Variants in SYNE2 observed in about 807,000 individuals in gnomAD.
The protein encoded by SYNE2 is spectrin repeat containing nuclear envelope protein 2, also known as nesprin-2.
Under a neutral mutation model 856.3 loss-of-function variants are expected in SYNE2, and 431 were observed. The ratio of observed to expected loss-of-function variants is 0.50; its 90% CI spans 0.47 to 0.55. The LOEUF is 0.55. Ranked by LOEUF, SYNE2 falls within the 20% of genes least tolerant of loss-of-function variation. The probability of loss-of-function intolerance (pLI) is 0.00; values close to 1 mark genes in which losing one functional copy is unlikely to be tolerated. For missense variants in SYNE2, 8,129 were observed against 8,023.2 expected (o/e 1.01, Z -0.50); for synonymous variants, 2,923 against 2,872.3 (o/e 1.02, Z -0.56).
At chr14:64,158,846 T>C (rs779340006) in intron 86 of SYNE2, 51 bp downstream of exon 86, 42 of 1,593,500 alleles carry the variant, frequency 2.6e-5, no homozygotes, top group Non-Finnish European at 3.4e-5. Flanking sequence ...AAATTACAAA[T>C]GGGAGGAAGC....
At chr14:63,858,697 A>G (rs556771520) in intron 1 of SYNE2, among the ~76,000 whole-genome samples, 1 of 152,296 alleles carries the variant, frequency 6.6e-6, no homozygotes, top group African/African-American at 2.4e-5. Flanking sequence ...ATACTGTAAT[A>G]TTGTAACAGT....
intron 47 of SYNE2, among the ~76,000 whole-genome samples, chr14:64,050,880 G>C (rs1253540362): frequency 6.6e-6 from 1 of 151,906 alleles, no homozygotes; most frequent in Non-Finnish European, 1.5e-5. Context: ...AATTAGCCAG[G>C]CATCATGGCA....
At position 63,883,639 on chromosome 14, in the gene SYNE2, C is replaced by T. The variant is rs936758643; in HGVS notation, c.-51-25459C>T. On this transcript the variant is annotated intron_variant, in intron 1 of 115. Coordinates refer to ENST00000555002, the MANE Select transcript of SYNE2 (RefSeq NM_182914.3). ...CCAAAGTGCTGAGATTACAGGCGTG[C>T]GCCACTGCGCCTGGCCTTTATTGTA... Among the ~76,000 whole-genome samples the T allele has an allele frequency of 3.3e-5, 5 of 152,182 alleles. No individual in the cohort carries two copies. The East Asian group carries it at 5.8e-4, about 18-fold the overall frequency.
intron 1 of SYNE2, among the ~76,000 whole-genome samples, chr14:63,823,344 C>T (rs1323691836): frequency 1.3e-5 from 2 of 151,872 alleles, no homozygotes; most frequent in African/African-American, 2.4e-5. Flanking sequence ...ATGCCTAGCG[C>T]ATTCGTATTT....
chr14:64,213,322 T>A (rs920800883), intron 105 of SYNE2, among the ~76,000 whole-genome samples: 1 of 152,222 alleles, frequency 6.6e-6, no homozygotes, highest in Non-Finnish European at 1.5e-5. Context: ...AGAACTCTTC[T>A]GGCTTTTATT....
chr14:63,999,067 G>T (rs2096734441), intron 27 of SYNE2, 27 bp downstream of exon 27: 1 of 1,608,480 alleles, frequency 6.2e-7, no homozygotes, highest in South Asian at 1.1e-5. Context: ...TTATTTCTCT[G>T]ATTATCTTGT....
intron 1 of SYNE2, among the ~76,000 whole-genome samples, chr14:63,763,037 G>T (rs1341092131): frequency 6.6e-6 from 1 of 152,094 alleles, no homozygotes; most frequent in Non-Finnish European, 1.5e-5. Context: ...GCACAATCTT[G>T]GCTCACTGCA....
intron 1 of SYNE2, among the ~76,000 whole-genome samples, chr14:63,885,881 A>G (rs1222512389): frequency 6.6e-6 from 1 of 152,222 alleles, no homozygotes; most frequent in East Asian, 1.9e-4. Context: ...GAGATGAAGG[A>G]CAGTAGTCCT....
rs35455974 is a variant in SYNE2, at chr14:64,224,926, ATT to A, written c.20470-60_20470-59del. 81,576 of 1,191,556 alleles carry A rather than the reference ATT, an allele frequency of 0.068. 3 individuals carry two copies. The highest frequency in any genetic ancestry group is 0.097 in the East Asian group (3,473 of 35,866). 73.8% of individuals were successfully genotyped at this position (1,191,556 alleles called of 1,614,324 possible). On this transcript the variant is annotated intron_variant, in intron 114 of 115. Transcript: ENST00000555002. ...AAGGTGGTATATAATTTAAGGGAGG[ATT>A]TTTTTTTTTTTTATCATTGATAGGA...
intron 17 of SYNE2, 71 bp from the exon 18 acceptor site, chr14:63,983,666 T>C: frequency 8.0e-7 from 1 of 1,256,704 alleles, no homozygotes. Context: ...TACATCCACT[T>C]ACTGTTTGTA....
chr14:63,874,037 A>G (rs532738323), intron 1 of SYNE2: 1 of 152,342 alleles, frequency 6.6e-6, no homozygotes, highest in South Asian at 2.1e-4. Context: ...AAGCACCTGG[A>G]TTAGGACAGT....
chr14:63,961,504 A>G (rs1473589882), intron 8 of SYNE2, 21 bp from the exon 9 acceptor site: 14 of 1,578,384 alleles, frequency 8.9e-6, no homozygotes, highest in Admixed American at 1.7e-5. Flanking sequence ...CAGCTAATTG[A>G]TAGTGTGGTG....
chr14:64,065,690 AT>A, intron 51 of SYNE2, 40 bp downstream of exon 51: 1 of 1,604,216 alleles, frequency 6.2e-7, no homozygotes, highest in Non-Finnish European at 8.5e-7. Flanking sequence ...AGTTTCTAAC[AT>A]GTTATTTAAA....
chr14:64,221,134 A>G (rs1001857467), intron 111 of SYNE2, among the ~76,000 whole-genome samples: 6 of 152,174 alleles, frequency 3.9e-5, no homozygotes, highest in African/African-American at 1.4e-4. Context: ...ATCCTAGCCC[A>G]GTACCTGACA....
chr14:64,178,639 T>G (rs1282180025), intron 96 of SYNE2, among the ~76,000 whole-genome samples: 1 of 152,170 alleles, frequency 6.6e-6, no homozygotes, highest in Non-Finnish European at 1.5e-5. Flanking sequence ...TTCTATTTTT[T>G]GTAGAGACAG....
At chr14:64,131,042 C>T (rs747318193) in intron 76 of SYNE2, among the ~76,000 whole-genome samples, 24 of 152,216 alleles carry the variant, frequency 1.6e-4, no homozygotes, top group Non-Finnish European at 3.2e-4. Flanking sequence ...AAAGAGTAAT[C>T]TAGGTGCTGA....
chr14:63,804,151 C>T (rs183878623), intron 1 of SYNE2, among the ~76,000 whole-genome samples: 16 of 152,342 alleles, frequency 1.1e-4, no homozygotes, highest in African/African-American at 3.6e-4. Flanking sequence ...TCATAAATTA[C>T]CCAGTCTCAG....
intron 1 of SYNE2, among the ~76,000 whole-genome samples, chr14:63,763,914 G>A (rs1033332926): frequency 3.1e-4 from 47 of 152,246 alleles, no homozygotes; most frequent in African/African-American, 9.9e-4. Context: ...CACCTGAAGC[G>A]ATCCTCCTGC....
At chr14:64,150,496 C>T (rs1595857766) in intron 84 of SYNE2, among the ~76,000 whole-genome samples, 1 of 152,140 alleles carries the variant, frequency 6.6e-6, no homozygotes, top group East Asian at 1.9e-4. Flanking sequence ...GCTGGGATTA[C>T]AGGCGTGAGC....
Sources: allele counts gnomAD v4.1 joint callset (sites outside exome capture counted in the v4.1 genomes callset), GRCh38; gene constraint gnomAD v4.1.1; transcripts MANE v1.5; gene names NCBI Gene and HGNC (gene_info 2026-07-23, HGNC 2026-07-21).